KHDRBS2: variants seen among roughly 807,000 people sequenced by gnomAD.
KHDRBS2 encodes KH RNA binding domain containing, signal transduction associated 2.
A neutral mutation model predicts 44.3 loss-of-function variants in KHDRBS2; 26 were observed. That is an observed-to-expected ratio of 0.59 (90% confidence interval 0.43 to 0.81). The LOEUF is 0.81. Among genes scored for constraint, KHDRBS2 ranks in the 40% least tolerant of loss-of-function variants. KHDRBS2 has a pLI of 0.00. For missense variants in KHDRBS2, 476 were observed against 433.1 expected (o/e 1.10, Z -0.88); for synonymous variants, 194 against 151.1 (o/e 1.28, Z -2.08).
the KHDRBS2 span, among the ~76,000 whole-genome samples, chr6:61,635,083 T>A: frequency 6.6e-6 from 1 of 152,210 alleles, no homozygotes; most frequent in African/African-American, 2.4e-5. Flanking sequence ...TCCTAGGTTT[T>A]CATTTCTTAC....
intron 2 of KHDRBS2, among the ~76,000 whole-genome samples, chr6:62,083,414 A>G (rs1215804733): frequency 6.6e-6 from 1 of 152,150 alleles, no homozygotes; most frequent in African/African-American, 2.4e-5. Flanking sequence ...TCATTTGTGC[A>G]ACCTGATTCC....
At chr6:61,716,706 T>G (rs1771487908) in intron 7 of KHDRBS2, among the ~76,000 whole-genome samples, 1 of 152,012 alleles carries the variant, frequency 6.6e-6, no homozygotes, top group Non-Finnish European at 1.5e-5. Context: ...TCACAAACAT[T>G]CCTGATTCCT....
Position 62,143,112 on chromosome 6 carries a change from G to A in KHDRBS2, c.219+34073C>T, listed in dbSNP as rs182071621. Among the ~76,000 whole-genome samples, 61 of 151,788 alleles carry A rather than the reference G, an allele frequency of 4.0e-4. No individual in the cohort carries two copies. In the East Asian group the frequency reaches 0.01, roughly 25 times the overall value. ...AATTATAACATAATTGACTTATTCT[G>A]GTTTAAAAACGATGGGAAAATACAT... On this transcript the variant is annotated intron_variant, in intron 2 of 8. Coordinates refer to ENST00000281156, the MANE Select transcript of KHDRBS2 (RefSeq NM_152688.4).
intron 6 of KHDRBS2, among the ~76,000 whole-genome samples, chr6:61,739,797 G>A (rs1024371649): frequency 4.0e-5 from 6 of 151,818 alleles, no homozygotes; most frequent in African/African-American, 1.4e-4. Context: ...GTGAACATTA[G>A]CACACCATTA....
intron 8 of KHDRBS2, among the ~76,000 whole-genome samples, chr6:61,683,891 T>A (rs1181627014): frequency 6.6e-6 from 1 of 151,884 alleles, no homozygotes; most frequent in East Asian, 1.9e-4. Context: ...CCAGCCAAAG[T>A]GATTTCCTAT....
intron 3 of KHDRBS2, among the ~76,000 whole-genome samples, chr6:62,031,809 A>T (rs1784384577): frequency 1.3e-5 from 2 of 152,168 alleles, no homozygotes; most frequent in Non-Finnish European, 2.9e-5. Flanking sequence ...GGGGGTCATC[A>T]CCACCCAGAA....
At chr6:61,567,903 C>A in the KHDRBS2 span, among the ~76,000 whole-genome samples, 1 of 152,124 alleles carries the variant, frequency 6.6e-6, no homozygotes, top group East Asian at 1.9e-4. Flanking sequence ...AGGGATGATT[C>A]AGAATTCAAA....
chr6:61,658,427 A>G, the KHDRBS2 span, among the ~76,000 whole-genome samples: 3 of 151,990 alleles, frequency 2.0e-5, no homozygotes, highest in Non-Finnish European at 2.9e-5. Context: ...TCCACATCTG[A>G]CCTTCCATTC....
At chr6:61,772,194 C>A (rs1009638794) in intron 6 of KHDRBS2, among the ~76,000 whole-genome samples, 1 of 152,056 alleles carries the variant, frequency 6.6e-6, no homozygotes, top group Non-Finnish European at 1.5e-5. Flanking sequence ...ATTTATAGCA[C>A]GAAATGTCCA....
chr6:62,273,111 T>C (rs928519742), intron 1 of KHDRBS2, among the ~76,000 whole-genome samples: 18 of 152,194 alleles, frequency 1.2e-4, no homozygotes, highest in Non-Finnish European at 7.3e-5. Flanking sequence ...GCATCTGTTT[T>C]CAGCCACTAC....
chr6:61,938,599 A>G (rs1219623291), intron 4 of KHDRBS2, among the ~76,000 whole-genome samples: 1 of 152,202 alleles, frequency 6.6e-6, no homozygotes, highest in Admixed American at 6.5e-5. Flanking sequence ...TCATGGCATG[A>G]GAGAACTGTG....
chr6:61,949,975 A>G (rs1340088499), intron 4 of KHDRBS2, among the ~76,000 whole-genome samples: 1 of 152,110 alleles, frequency 6.6e-6, no homozygotes, highest in Non-Finnish European at 1.5e-5. Flanking sequence ...TTATCACAAT[A>G]TTCAAAATCA....
At chr6:61,734,605 A>G (rs908059107) in intron 6 of KHDRBS2, among the ~76,000 whole-genome samples, 1 of 151,934 alleles carries the variant, frequency 6.6e-6, no homozygotes, top group African/African-American at 2.4e-5. Flanking sequence ...ATAATTTTTC[A>G]TTAGTCAATA....
rs546005544 is a variant in KHDRBS2, at chr6:61,763,805, T to A, written c.811-31041A>T. ...TGCACAACTGGGCTGATAAAAACTA[T>A]TTTTATAAAAAAATTTATTTTATTT... On this transcript the variant is annotated intron_variant, in intron 6 of 8. Coordinates refer to ENST00000281156, the MANE Select transcript of KHDRBS2 (RefSeq NM_152688.4). Among the ~76,000 whole-genome samples, 4 of 152,298 alleles carry A rather than the reference T, an allele frequency of 2.6e-5. No homozygotes were observed. In the South Asian group the frequency reaches 8.3e-4, roughly 32 times the overall value.
the KHDRBS2 span, among the ~76,000 whole-genome samples, chr6:61,615,374 A>G: frequency 1.8e-4 from 27 of 152,194 alleles, no homozygotes; most frequent in South Asian, 4.1e-3. Context: ...GTTCAAGTCT[A>G]CTTAGCAAAG....
intron 2 of KHDRBS2, among the ~76,000 whole-genome samples, chr6:62,097,314 C>T (rs1050104013): frequency 4.6e-5 from 7 of 151,888 alleles, no homozygotes; most frequent in African/African-American, 1.4e-4. Context: ...CTGTCCATTG[C>T]TGAAAGTGGG....
At chr6:61,708,837 C>A (rs1770013762) in intron 7 of KHDRBS2, among the ~76,000 whole-genome samples, 1 of 151,612 alleles carries the variant, frequency 6.6e-6, no homozygotes, top group Non-Finnish European at 1.5e-5. Context: ...CAAGAAAAGA[C>A]CATAGTCTCA....
chr6:61,883,215 C>CA (rs746170357), intron 6 of KHDRBS2, among the ~76,000 whole-genome samples: 2 of 151,652 alleles, frequency 1.3e-5, no homozygotes, highest in East Asian at 1.9e-4. Context: ...AATAATGTTT[C>CA]AAAAAAAAGA....
At chr6:61,638,082 C>A in the KHDRBS2 span, among the ~76,000 whole-genome samples, 3 of 151,850 alleles carry the variant, frequency 2.0e-5, no homozygotes, top group Admixed American at 2.0e-4. Flanking sequence ...CATTACTGCC[C>A]AAGGTAATTT....
Sources: gnomAD v4.1 joint callset for allele counts (sites outside exome capture counted in the v4.1 genomes callset) on GRCh38, gnomAD v4.1.1 for gene constraint, MANE v1.5 for transcripts, NCBI Gene and HGNC (gene_info 2026-07-23, HGNC 2026-07-21) for gene names.